STRN: variants seen among roughly 807,000 people sequenced by gnomAD.
STRN encodes protein phosphatase 2 regulatory subunit B'''alpha.
Under a neutral mutation model 96.3 loss-of-function variants are expected in STRN, and 53 were observed. The ratio of observed to expected loss-of-function variants is 0.55; its 90% CI spans 0.44 to 0.69. The LOEUF is 0.69. STRN is among the 30% of genes least tolerant of loss of function. The pLI, the probability that STRN is intolerant of heterozygous loss-of-function variation, is 0.00. For synonymous variants in STRN, 428 were observed against 355.9 expected (o/e 1.20, Z -2.28); for missense variants, 987 against 963.9 (o/e 1.02, Z -0.32).
chr2:36,855,418 G>C lies in STRN; in HGVS notation c.1838-66C>G. 5 of 1,536,908 alleles carry C rather than the reference G, an allele frequency of 3.3e-6. No individual in the cohort carries two copies. The South Asian group carries it at 3.7e-5, about 11-fold the overall frequency. ...TCTACTTGACAATCTGCTTAAAATAGAGCAAAACAAAAAATGGCATGGTTT... is the reference window on the plus strand; with the variant it reads ...TCTACTTGACAATCTGCTTAAAATACAGCAAAACAAAAAATGGCATGGTTT... On this transcript the variant is annotated intron_variant, in intron 14 of 17. Coordinates refer to ENST00000263918, the MANE Select transcript of STRN (RefSeq NM_003162.4).
At chr2:36,926,511 T>C (rs534723300) in intron 1 of STRN, among the ~76,000 whole-genome samples, 303 of 152,306 alleles carry the variant, frequency 2.0e-3, no homozygotes, top group African/African-American at 6.9e-3. Context: ...CCCTAAGGAA[T>C]TGTGAGGATT....
chr2:36,922,425 G>A (rs1260366207), intron 2 of STRN, among the ~76,000 whole-genome samples: 2 of 151,106 alleles, frequency 1.3e-5, no homozygotes, highest in Non-Finnish European at 2.9e-5. Flanking sequence ...AGGCTGAAGT[G>A]GGAGGATCAC....
In STRN at chr2:36,891,567, A is replaced by G. The variant is rs185815279; in HGVS notation, c.931+2331T>C. ...AATGCCCTTATTATAATGGTTTCTG[A>G]TAAGTAAGGCGGGGTTGAGTCTACT... On this transcript the variant is annotated intron_variant, in intron 7 of 17. Coordinates refer to ENST00000263918, the MANE Select transcript of STRN (RefSeq NM_003162.4). 6.6e-5 allele frequency among the ~76,000 whole-genome samples: 10 copies of G among 152,292 alleles called. No homozygotes were observed. The East Asian group carries it at 1.7e-3, about 26-fold the overall frequency.
rs1288649728 is a variant in STRN, at chr2:36,840,670, G to C, written c.*8786C>G. On this transcript the variant is annotated 3_prime_UTR_variant, in exon 18 of 18. Transcript: ENST00000263918. ...CAAGGCACCAGGCACAGTGCTAAGAGGAACATAAGAAAAACGAACATGGTC... is the reference window on the plus strand; with the variant it reads ...CAAGGCACCAGGCACAGTGCTAAGACGAACATAAGAAAAACGAACATGGTC... 1 of 151,880 alleles carries C rather than the reference G, an allele frequency of 6.6e-6. No homozygotes were observed. The highest frequency in any genetic ancestry group is 2.4e-5 in the African/African-American group (1 of 41,334). 9.4% of individuals were successfully genotyped at this position (151,880 alleles called of 1,614,324 possible). A position where few individuals can be genotyped will look rare whatever the true frequency, so the allele number is the denominator to read the frequency against.
chr2:36,868,238 C>T (rs143637039), intron 11 of STRN, among the ~76,000 whole-genome samples: 5 of 132,854 alleles, frequency 3.8e-5, no homozygotes, highest in East Asian at 4.2e-4. Context: ...CAGATTACTC[C>T]GTTTAAAACA....
chr2:36,922,844 TC>T (rs1212973801), intron 2 of STRN, among the ~76,000 whole-genome samples: 9 of 152,286 alleles, frequency 5.9e-5, no homozygotes, highest in Non-Finnish European at 8.8e-5. Context: ...ACTTTCATCT[TC>T]CAGATGAAAA....
chr2:36,913,653 C>T (rs1166280452), intron 3 of STRN, among the ~76,000 whole-genome samples: 2 of 152,124 alleles, frequency 1.3e-5, no homozygotes, highest in African/African-American at 2.4e-5. Flanking sequence ...GCATTGTTGT[C>T]TTATTCACTG....
At chr2:36,865,111 G>T (rs1291028953) in intron 12 of STRN, among the ~76,000 whole-genome samples, 2 of 152,158 alleles carry the variant, frequency 1.3e-5, no homozygotes, top group Non-Finnish European at 2.9e-5. Context: ...TCTCAACCTG[G>T]GCTTTTTCTT....
chr2:36,916,953 T>A (rs1215240676), intron 2 of STRN, among the ~76,000 whole-genome samples: 1 of 151,898 alleles, frequency 6.6e-6, no homozygotes, highest in Non-Finnish European at 1.5e-5. Context: ...ATATTTTCAC[T>A]TGTTGGCTCC....
Position 36,899,569 on chromosome 2 carries a change from T to C in STRN, c.749A>G (p.Asp250Gly), listed in dbSNP as rs1669631078. 1 of 1,613,590 alleles carries C rather than the reference T, an allele frequency of 6.2e-7. No individual in the cohort carries two copies. The highest frequency in any genetic ancestry group is 1.1e-5 in the South Asian group (1 of 91,006). ...TTTCTCTCTTCCATCAACATCATCA[T>C]CTTCATCTTCATCACTGAAATCTGC... is the stretch of plus-strand genomic sequence containing the variant. ...AAADFSDEDE[D>G]DDVDGREKSV... Residue 250 changes from aspartate to glycine, a missense_variant, in exon 6 of 18, where the codon GAT becomes GGT. Transcript: ENST00000263918.
rs1310389272 is a variant in STRN, at chr2:36,846,518, T to A, written c.*2938A>T. 1.4e-5 allele frequency: 2 copies of A among 146,272 alleles called. No homozygotes were observed. Among genetic ancestry groups the A allele is most frequent in the African/African-American group, 5.1e-5 (2 of 39,242 alleles). The allele number at this position is 146,272 out of a possible 1,614,324, so 9.1% of individuals were successfully genotyped here. On this transcript the variant is annotated 3_prime_UTR_variant, in exon 18 of 18. Coordinates refer to ENST00000263918, the MANE Select transcript of STRN (RefSeq NM_003162.4). Reference sequence around the variant, plus strand: ...TTAGACATTTTCAAATAAATCTTCATCATTATCTCCAAAAGAAATTTATAG... The same window carrying A: ...TTAGACATTTTCAAATAAATCTTCAACATTATCTCCAAAAGAAATTTATAG...
At chr2:36,929,483 G>C (rs566216170) in intron 1 of STRN, among the ~76,000 whole-genome samples, 1 of 151,874 alleles carries the variant, frequency 6.6e-6, no homozygotes, top group Admixed American at 6.6e-5. Flanking sequence ...TCCCAGGGTC[G>C]AAGTAATTCT....
At chr2:36,929,754 G>A (rs1274092124) in intron 1 of STRN, among the ~76,000 whole-genome samples, 1 of 152,184 alleles carries the variant, frequency 6.6e-6, no homozygotes, top group African/African-American at 2.4e-5. Flanking sequence ...TGAAATCACT[G>A]AGAAGTAAAT....
At chr2:36,902,525 C>A in intron 5 of STRN, 59 bp downstream of exon 5, 1 of 1,429,502 alleles carries the variant, frequency 7.0e-7, no homozygotes, top group South Asian at 1.6e-5. Flanking sequence ...GTCCATAAAA[C>A]CAAAAATATT....
At position 36,855,237 on chromosome 2, in the gene STRN, G is replaced by A; in HGVS notation, c.1953C>T (p.Leu651=). The change falls in exon 15 of 18, where the codon CTC becomes CTT. Residue 651 remains leucine, a synonymous_variant. Transcript: ENST00000263918. ...IFNMETQQRI[L]TLESNVDTTA... Reference sequence around the variant, plus strand: ...TTGTATCTACATTGGATTCTAAAGTGAGAATGCGTTGTTGTGTTTCCATGT... The same window carrying A: ...TTGTATCTACATTGGATTCTAAAGTAAGAATGCGTTGTTGTGTTTCCATGT... 3 of 1,613,768 alleles carry A rather than the reference G, an allele frequency of 1.9e-6. No individual in the cohort carries two copies. The highest frequency in any genetic ancestry group is 2.5e-6 in the Non-Finnish European group (3 of 1,179,772).
chr2:36,928,478 CCT>C (rs1237157631), intron 1 of STRN, among the ~76,000 whole-genome samples: 1 of 150,826 alleles, frequency 6.6e-6, no homozygotes, highest in Non-Finnish European at 1.5e-5. Flanking sequence ...ATGGTGAAAC[CCT>C]GTCTCCACTA....
rs777542661 is a variant in STRN at position 36,867,851 on chromosome 2, G to C, written c.1510C>G (p.Leu504Val). ...AATGTATAGATAGGTTCTACATCAAGAGAAGTGCTCCTAAATCAGAGAGAG... is the reference window on the plus strand; with the variant it reads ...AATGTATAGATAGGTTCTACATCAACAGAAGTGCTCCTAAATCAGAGAGAG... ...KTAPAKKSTS[L>V]DVEPIYTFRA... Residue 504 changes from leucine (L) to valine (V), a missense_variant, in exon 12 of 18, where the codon CTT (leucine) becomes GTT (valine). Transcript: ENST00000263918. The C allele has an allele frequency of 9.4e-6, 15 of 1,592,776 alleles. No homozygotes were observed. In the South Asian group the frequency reaches 1.5e-4, roughly 16 times the overall value.
At chr2:36,901,568 A>G (rs985166242) in intron 5 of STRN, among the ~76,000 whole-genome samples, 1 of 140,920 alleles carries the variant, frequency 7.1e-6, no homozygotes, top group Non-Finnish European at 1.5e-5. Flanking sequence ...AAAAAAAAAA[A>G]ACATTTATAC....
chr2:36,941,598 G>A (rs1670845510), intron 1 of STRN, among the ~76,000 whole-genome samples: 1 of 151,022 alleles, frequency 6.6e-6, no homozygotes, highest in Non-Finnish European at 1.5e-5. Context: ...CACTCAGGCT[G>A]GAGTGCAATG....
Sources: gnomAD v4.1 joint callset for allele counts (sites outside exome capture counted in the v4.1 genomes callset) on GRCh38, gnomAD v4.1.1 for gene constraint, MANE v1.5 for transcripts, NCBI Gene and HGNC (gene_info 2026-07-23, HGNC 2026-07-21) for gene names.